Variants in RNF214 observed in about 807,000 individuals in gnomAD.
RNF214 encodes the protein ring finger protein 214.
In RNF214, 25 loss-of-function variants were observed where a neutral mutation model predicts 75.9. The ratio of observed to expected loss-of-function variants is 0.33; its 90% CI spans 0.24 to 0.46. The LOEUF is 0.46. Ranked by LOEUF, RNF214 falls within the 20% of genes least tolerant of loss-of-function variation. The probability of loss-of-function intolerance (pLI) is 1.00; values close to 1 mark genes in which losing one functional copy is unlikely to be tolerated. For synonymous variants in RNF214, 314 were observed against 308.8 expected (o/e 1.02, Z -0.18); for missense variants, 725 against 857.5 (o/e 0.85, Z 1.93).
Position 117,283,215 on chromosome 11 carries a change from G to T in RNF214, c.2046+5G>T. 1 of 1,590,222 alleles carries T rather than the reference G, an allele frequency of 6.3e-7. No homozygotes were observed. Among genetic ancestry groups the T allele is most frequent in the Non-Finnish European group, 8.6e-7 (1 of 1,159,938 alleles). On this transcript the variant is annotated splice_donor_5th_base_variant and intron_variant, in intron 14 of 14. Coordinates refer to ENST00000300650, the MANE Select transcript of RNF214 (RefSeq NM_207343.4). The stretch of plus-strand genomic sequence containing the variant: ...ACCCATGTATTGCACAAGGAGGTAG[G>T]TGTTACAGACCTTCCTCATTTTCTA...
rs192082421 is a variant in RNF214 at position 117,232,956 on chromosome 11, C to T, written c.-7+230C>T. On this transcript the variant is annotated intron_variant, in intron 1 of 14. Transcript: ENST00000300650. Reference sequence around the variant, plus strand: ...GGAAGGGGTGGAGGGGGGTCTGGTCCGAGCCAGCGGCCAGCCTAGCAGTCC... The same window carrying T: ...GGAAGGGGTGGAGGGGGGTCTGGTCTGAGCCAGCGGCCAGCCTAGCAGTCC... Among the ~76,000 whole-genome samples the T allele has an allele frequency of 8.0e-3, 1,206 of 151,314 alleles. 21 individuals carry two copies. Among genetic ancestry groups the T allele is most frequent in the African/African-American group, 0.027 (1,120 of 41,106 alleles).
intron 6 of RNF214, among the ~76,000 whole-genome samples, chr11:117,271,842 A>G (rs556414138): frequency 6.6e-6 from 1 of 152,186 alleles, no homozygotes; most frequent in East Asian, 1.9e-4. Flanking sequence ...TTGTTTTGAG[A>G]CAGGGTCTCG....
chr11:117,263,918 T>C, intron 6 of RNF214: 1 of 246,464 alleles, frequency 4.1e-6, no homozygotes, highest in South Asian at 4.4e-5. Flanking sequence ...GGACTGTCTT[T>C]AGAATAGAGC....
intron 6 of RNF214, among the ~76,000 whole-genome samples, chr11:117,268,028 G>A (rs2033834164): frequency 6.6e-6 from 1 of 152,188 alleles, no homozygotes. Flanking sequence ...ACTCCCTTAT[G>A]TAGGTAGCCA....
chr11:117,246,859 G>C lies in RNF214; in HGVS notation c.870G>C (p.Lys290Asn). The C allele has an allele frequency of 6.2e-7, 1 of 1,612,942 alleles. No homozygotes were observed. The highest frequency in any genetic ancestry group is 2.2e-5 in the East Asian group (1 of 44,850). ...QDVTIKREETKKKIEKEKKEF... is the reference protein window; with the variant it reads ...QDVTIKREETNKKIEKEKKEF... Reference sequence around the variant, plus strand: ...TGACAATAAAGCGGGAAGAAACAAAGAAGAAGATAGAGAAAGAGAAGAAGG... The same window carrying C: ...TGACAATAAAGCGGGAAGAAACAAACAAGAAGATAGAGAAAGAGAAGAAGG... Residue 290 changes from lysine (K) to asparagine (N), a missense_variant, in exon 6 of 15, where the codon AAG becomes AAC. Physicochemically the swap from Lys to Asn is moderately conservative, Grantham distance 94. Around this residue, in one of 2 missense-constraint regions of RNF214, gnomAD observed 362 missense variants for 344.5 expected, o/e 1.05. Transcript: ENST00000300650.
chr11:117,285,063 GGT>G (rs2034224611), intron 14 of RNF214, 21 bp from the exon 15 acceptor site: 1 of 1,555,654 alleles, frequency 6.4e-7, no homozygotes, highest in African/African-American at 1.4e-5. Context: ...ATAAACCTGA[GGT>G]GTGTCTTTCT....
chr11:117,275,852 A>G (rs1416406011), intron 6 of RNF214, among the ~76,000 whole-genome samples: 2 of 152,204 alleles, frequency 1.3e-5, no homozygotes, highest in East Asian at 3.8e-4. Context: ...ATTCCAGAAG[A>G]TCAAGAAGGA....
At chr11:117,276,753 A>G (rs2034023366) in intron 6 of RNF214, among the ~76,000 whole-genome samples, 1 of 152,202 alleles carries the variant, frequency 6.6e-6, no homozygotes, top group Non-Finnish European at 1.5e-5. Context: ...TTGACATAAG[A>G]GGATTTTTCT....
At position 117,238,796 on chromosome 11, in the gene RNF214, T is replaced by C. The variant is rs763086549; in HGVS notation, c.303T>C (p.Ser101=). Residue 101 remains serine, a synonymous_variant, in exon 3 of 15, where the codon TCT becomes TCC. Coordinates refer to ENST00000300650, the MANE Select transcript of RNF214 (RefSeq NM_207343.4). ...TGATAGCCACAGCCCTTTGTCTTTC[T>C]GGCAGTGGGTCTCAGTCTGATTTGA... ...ENLIATALCL[S]GSGSQSDLKD... The C allele has an allele frequency of 6.2e-7, 1 of 1,614,094 alleles. No homozygotes were observed. The highest frequency in any genetic ancestry group is 1.3e-5 in the African/African-American group (1 of 74,928).
At chr11:117,234,714 A>G (rs774140984) in intron 2 of RNF214, among the ~76,000 whole-genome samples, 5 of 152,266 alleles carry the variant, frequency 3.3e-5, no homozygotes, top group Non-Finnish European at 5.9e-5. Flanking sequence ...CAGTATGTGT[A>G]CATGGATATC....
chr11:117,270,211 A>T (rs2033879060), intron 6 of RNF214, among the ~76,000 whole-genome samples: 1 of 126,226 alleles, frequency 7.9e-6, no homozygotes, highest in African/African-American at 3.0e-5. Flanking sequence ...CTTATTTCTG[A>T]GGCTTTTCAA....
chr11:117,234,234 C>A, intron 1 of RNF214, 33 bp from the exon 2 acceptor site: 1 of 1,509,834 alleles, frequency 6.6e-7, no homozygotes, highest in Non-Finnish European at 9.2e-7. Flanking sequence ...ACTTTGGAAA[C>A]TTGTAGCCTG....
intron 5 of RNF214, among the ~76,000 whole-genome samples, chr11:117,244,867 A>T (rs1198558806): frequency 1.3e-5 from 2 of 151,650 alleles, no homozygotes; most frequent in South Asian, 4.2e-4. Context: ...GGGTTTTGTC[A>T]TGTTGCCCAG....
rs2034254764 is a variant in RNF214 at position 117,286,170 on chromosome 11, A to G, written c.*1019A>G. ...CTGGATTTTAATTTTTGAAGCAAGAAAGTTAGGGGGGGACATATTTCCTGT... is the reference window on the plus strand; with the variant it reads ...CTGGATTTTAATTTTTGAAGCAAGAGAGTTAGGGGGGGACATATTTCCTGT... On this transcript the variant is annotated 3_prime_UTR_variant, in exon 15 of 15. Coordinates refer to ENST00000300650, the MANE Select transcript of RNF214 (RefSeq NM_207343.4). 1 of 152,622 alleles carries G rather than the reference A, an allele frequency of 6.6e-6. No individual in the cohort carries two copies. The highest frequency in any genetic ancestry group is 2.4e-5 in the African/African-American group (1 of 41,456). 9.5% of individuals were successfully genotyped at this position (152,622 alleles called of 1,614,324 possible).
chr11:117,280,071 A>G (rs1471401284), intron 7 of RNF214, 67 bp downstream of exon 7: 8 of 1,504,478 alleles, frequency 5.3e-6, no homozygotes, highest in Non-Finnish European at 7.4e-6. Flanking sequence ...TACTTTTGGC[A>G]TTGTAATAGG....
chr11:117,261,685 G>A (rs773860706), intron 6 of RNF214, among the ~76,000 whole-genome samples: 2 of 151,860 alleles, frequency 1.3e-5, no homozygotes, highest in Admixed American at 6.6e-5. Flanking sequence ...TCCCTCTGTC[G>A]CCCAGGATGG....
At chr11:117,236,423 G>A (rs991538431) in intron 2 of RNF214, among the ~76,000 whole-genome samples, 10 of 152,046 alleles carry the variant, frequency 6.6e-5, no homozygotes, top group Admixed American at 2.0e-4. Flanking sequence ...ACAGGCGCCC[G>A]CCACCACACC....
chr11:117,271,931 G>A (rs2033919561), intron 6 of RNF214, among the ~76,000 whole-genome samples: 1 of 152,152 alleles, frequency 6.6e-6, no homozygotes, highest in African/African-American at 2.4e-5. Flanking sequence ...TCCCACCTCA[G>A]CCTCCCAAGT....
chr11:117,251,499 C>T (rs574077866), intron 6 of RNF214, among the ~76,000 whole-genome samples: 1 of 93,296 alleles, frequency 1.1e-5, no homozygotes, highest in Non-Finnish European at 2.1e-5. Flanking sequence ...ACCTCCCTCC[C>T]GGACGGGGCG....
Sources: allele counts gnomAD v4.1 joint callset (sites outside exome capture counted in the v4.1 genomes callset), GRCh38; gene constraint gnomAD v4.1.1; regional missense constraint gnomAD v4.1.1; transcripts MANE v1.5; gene names NCBI Gene and HGNC (gene_info 2026-07-23, HGNC 2026-07-21).